Variants in EML4 observed in about 807,000 individuals in gnomAD.
EML4 encodes echinoderm microtubule-associated protein-like 4.
Under a neutral mutation model 129.0 loss-of-function variants are expected in EML4, and 72 were observed. That is an observed-to-expected ratio of 0.56 (90% CI 0.46 to 0.68). The LOEUF (loss-of-function observed/expected upper bound fraction) is 0.68, where lower values mean the gene tolerates loss of function less well. EML4 is among the 30% of genes least tolerant of loss of function. EML4 has a pLI of 0.00. For synonymous variants in EML4, 532 were observed against 405.0 expected, an observed-to-expected ratio of 1.31 and a Z score of -3.77; for missense variants, 1,363 against 1,190.6, an observed-to-expected ratio of 1.14 and a Z score of -2.13.
At chr2:42,191,540 A>G (rs1452548608) in intron 1 of EML4, among the ~76,000 whole-genome samples, 1 of 152,226 alleles carries the variant, frequency 6.6e-6, no homozygotes, top group Non-Finnish European at 1.5e-5. Context: ...TTAGAAAAAT[A>G]GGAGGGAGAG....
At chr2:42,236,753 T>C (rs900289582) in intron 1 of EML4, among the ~76,000 whole-genome samples, 11 of 152,190 alleles carry the variant, frequency 7.2e-5, no homozygotes, top group African/African-American at 1.7e-4. Context: ...CCTAAAGTCA[T>C]TGAAACAGGT....
intron 5 of EML4, among the ~76,000 whole-genome samples, chr2:42,264,442 T>C (rs1376248364): frequency 2.6e-5 from 4 of 152,190 alleles, no homozygotes; most frequent in African/African-American, 9.6e-5. Flanking sequence ...AATAATCATA[T>C]AAGATTTGAG....
chr2:42,328,969 G>A lies in EML4; in HGVS notation c.2425G>A (p.Asp809Asn), dbSNP rs202008623. 6 of 1,613,406 alleles carry A rather than the reference G, an allele frequency of 3.7e-6. No individual in the cohort carries two copies. In the East Asian group the frequency reaches 8.9e-5, roughly 24 times the overall value. The change falls in exon 22 of 23, where the codon GAC becomes AAC. Residue 809 changes from aspartate (D) to asparagine (N), a missense_variant. Transcript: ENST00000318522. ...HNRKVIAVAD[D>N]FCKVHLFQYP... ...TAGAAAGGTGATAGCTGTTGCCGAT[G>A]ACTTTTGTAAAGTCCATCTGTTTCA...
intron 1 of EML4, among the ~76,000 whole-genome samples, chr2:42,230,152 C>G (rs1165721878): frequency 6.6e-6 from 1 of 152,092 alleles, no homozygotes. Context: ...CCTGTTTTAT[C>G]CTGTCTTTGC....
intron 4 of EML4, 49 bp from the exon 5 acceptor site, chr2:42,263,129 T>A (rs1477037743): frequency 6.7e-7 from 1 of 1,493,640 alleles, no homozygotes; most frequent in Admixed American, 1.9e-5. Flanking sequence ...GTCAGTTACA[T>A]GTCTTTGATA....
intron 3 of EML4, among the ~76,000 whole-genome samples, chr2:42,260,753 C>A (rs1411729274): frequency 6.6e-6 from 1 of 152,122 alleles, no homozygotes; most frequent in African/African-American, 2.4e-5. Context: ...ATTTAGTGTT[C>A]TTTTGGCATC....
intron 6 of EML4, among the ~76,000 whole-genome samples, chr2:42,279,536 C>G (rs1399082593): frequency 3.9e-5 from 6 of 151,948 alleles, no homozygotes; most frequent in Non-Finnish European, 8.8e-5. Context: ...TGGCTCACTG[C>G]AAGCTCCACC....
chr2:42,208,572 T>C (rs1286431775), intron 1 of EML4, among the ~76,000 whole-genome samples: 1 of 151,764 alleles, frequency 6.6e-6, no homozygotes, highest in African/African-American at 2.4e-5. Flanking sequence ...TAGCTGAGAT[T>C]ACAGGCACCT....
intron 1 of EML4, among the ~76,000 whole-genome samples, chr2:42,210,362 A>T (rs2104017542): frequency 6.6e-6 from 1 of 152,306 alleles, no homozygotes; most frequent in Non-Finnish European, 1.5e-5. Flanking sequence ...GGGGAGGAAG[A>T]CCACAGAGGG....
chr2:42,279,173 T>C (rs1446415659), intron 6 of EML4, among the ~76,000 whole-genome samples: 3 of 152,194 alleles, frequency 2.0e-5, no homozygotes, highest in Non-Finnish European at 4.4e-5. Flanking sequence ...TATATATATA[T>C]GTGCATGCCA....
In EML4 at chr2:42,208,913, C is replaced by T. The variant is rs144438173; in HGVS notation, c.26-36592C>T. Among the ~76,000 whole-genome samples the T allele has an allele frequency of 1.4e-3, 206 of 151,996 alleles. 1 individual carries two copies. Among genetic ancestry groups the T allele is most frequent in the East Asian group, 0.011 (56 of 5,168 alleles). On this transcript the variant is annotated intron_variant, in intron 1 of 22. Coordinates refer to ENST00000318522, the MANE Select transcript of EML4 (RefSeq NM_019063.5). The stretch of plus-strand genomic sequence containing the variant: ...AACAAGAAATAGAAGTTAGTCACTT[C>T]AGAAGTCCCTATAGGTACCCATCCC...
intron 17 of EML4, among the ~76,000 whole-genome samples, chr2:42,308,342 C>CA (rs1483819001): frequency 1.3e-5 from 2 of 151,864 alleles, no homozygotes; most frequent in African/African-American, 2.4e-5. Context: ...CCTGTCTTTA[C>CA]AAGAAAAATT....
chr2:42,314,129 C>T (rs560096187), intron 17 of EML4, among the ~76,000 whole-genome samples: 1 of 152,172 alleles, frequency 6.6e-6, no homozygotes, highest in East Asian at 1.9e-4. Context: ...GAGCCTGAGG[C>T]GGGCAGATCA....
chr2:42,189,133 C>G (rs1301102709), intron 1 of EML4, among the ~76,000 whole-genome samples: 4 of 152,086 alleles, frequency 2.6e-5, no homozygotes, highest in Non-Finnish European at 1.5e-5. Context: ...TCCCAAAGTG[C>G]TGGGATTACA....
chr2:42,201,131 A>T (rs546078530), intron 1 of EML4, among the ~76,000 whole-genome samples: 1 of 152,226 alleles, frequency 6.6e-6, no homozygotes, highest in Non-Finnish European at 1.5e-5. Context: ...CTAATTTTCA[A>T]AATGTTTTTG....
At chr2:42,266,127 C>T (rs528784719) in intron 6 of EML4, among the ~76,000 whole-genome samples, 5 of 152,230 alleles carry the variant, frequency 3.3e-5, no homozygotes, top group African/African-American at 1.2e-4. Flanking sequence ...TGGATTTTTA[C>T]TTCTTTCGTT....
At chr2:42,316,813 A>G (rs1450084969) in intron 18 of EML4, among the ~76,000 whole-genome samples, 1 of 152,202 alleles carries the variant, frequency 6.6e-6, no homozygotes, top group Non-Finnish European at 1.5e-5. Flanking sequence ...TAAATTGAAC[A>G]AGGAAGGAAA....
At chr2:42,202,497 C>G (rs999475065) in intron 1 of EML4, among the ~76,000 whole-genome samples, 1 of 152,136 alleles carries the variant, frequency 6.6e-6, no homozygotes, top group African/African-American at 2.4e-5. Context: ...GGAATATTGA[C>G]TCACATGATC....
chr2:42,326,916 G>A (rs1261023443), intron 21 of EML4, among the ~76,000 whole-genome samples: 2 of 152,024 alleles, frequency 1.3e-5, no homozygotes, highest in Non-Finnish European at 2.9e-5. Context: ...AGTGGTTTTT[G>A]TATACTTAGT....
Sources: gnomAD v4.1 joint callset for allele counts (sites outside exome capture counted in the v4.1 genomes callset) on GRCh38, gnomAD v4.1.1 for gene constraint, MANE v1.5 for transcripts, NCBI Gene and HGNC (gene_info 2026-07-23, HGNC 2026-07-21) for gene names.